LDLRAD4: variants seen among roughly 807,000 people sequenced by gnomAD.
LDLRAD4 encodes the protein low-density lipoprotein receptor class A domain-containing protein 4.
LDLRAD4 carries 5 observed loss-of-function variants against 17.0 expected under a neutral mutation model. The ratio of observed to expected loss-of-function variants is 0.29; its 90% CI spans 0.15 to 0.62. The LOEUF (loss-of-function observed/expected upper bound fraction) is 0.62. Among genes scored for constraint, LDLRAD4 ranks in the 20% least tolerant of loss-of-function variants. The pLI, the probability that LDLRAD4 is intolerant of heterozygous loss-of-function variation, is 0.84. For missense variants in LDLRAD4, 340 were observed against 424.7 expected (o/e 0.80, Z 1.75); for synonymous variants, 168 against 171.8 (o/e 0.98, Z 0.17).
intron 3 of LDLRAD4, chr18:13,611,534 G>T (rs12605886): frequency 0.16 from 159,480 of 984,806 alleles, 14,073 homozygotes; most frequent in East Asian, 0.51. Context: ...TTTAGACCTC[G>T]GGGAAAAGAG....
rs2086879338 is a variant in LDLRAD4 at position 13,398,423 on chromosome 18, T to G, written c.40+10661T>G. On this transcript the variant is annotated intron_variant, in intron 2 of 5. Coordinates refer to ENST00000359446, the Ensembl canonical transcript of LDLRAD4. The surrounding 1 kb of genome is among the most constrained non-coding windows in gnomAD (Gnocchi z 4.8). ...AATGGGGCATTTTATGTTACGTACA[T>G]TTTACCACAGTGAACATAAACAGTT... 6.6e-6 allele frequency among the ~76,000 whole-genome samples: 1 copy of G among 151,968 alleles called. No individual in the cohort carries two copies. Among genetic ancestry groups the G allele is most frequent in the Non-Finnish European group, 1.5e-5 (1 of 67,976 alleles).
chr18:13,585,101 G>A (rs1375636711), intron 3 of LDLRAD4, among the ~76,000 whole-genome samples: 1 of 152,210 alleles, frequency 6.6e-6, no homozygotes. Context: ...AGCCTCATGC[G>A]TGTCTGGCCC....
chr18:13,250,307 A>G (rs2043168724), intron 1 of LDLRAD4, among the ~76,000 whole-genome samples: 1 of 151,980 alleles, frequency 6.6e-6, no homozygotes, highest in Non-Finnish European at 1.5e-5. Context: ...TTATAATTCC[A>G]TATGAAACTT....
intron 3 of LDLRAD4, among the ~76,000 whole-genome samples, chr18:13,587,522 T>C (rs2094951845): frequency 6.6e-6 from 1 of 152,160 alleles, no homozygotes; most frequent in Non-Finnish European, 1.5e-5. Context: ...CGTCCACACT[T>C]CGTTTCATAG....
chr18:13,651,715 G>T (rs572636214), exon 6 of LDLRAD4: 1 of 152,166 alleles, frequency 6.6e-6, no homozygotes, highest in Non-Finnish European at 1.5e-5. Flanking sequence ...TTCGAGTGTT[G>T]TCCATAAGAG....
Position 13,350,467 on chromosome 18 carries a change from T to A in LDLRAD4, c.-382-36874T>A, listed in dbSNP as rs2082973954. On this transcript the variant is annotated intron_variant, in intron 1 of 5. Transcript: ENST00000359446. ...CTGTTCATATCCTTTGCCCACTTTT[T>A]GATGGGGGTATTTGTGTTTTTCTTG... Among the ~76,000 whole-genome samples, 3 of 152,334 alleles carry A rather than the reference T, an allele frequency of 2.0e-5. No homozygotes were observed. The South Asian group carries it at 6.2e-4, about 32-fold the overall frequency.
intron 3 of LDLRAD4, chr18:13,585,587 T>C (rs1323195677): frequency 6.6e-6 from 1 of 152,232 alleles, no homozygotes; most frequent in East Asian, 1.9e-4. Context: ...CAGGAGATTA[T>C]CTTTTCAAAG....
At chr18:13,366,833 T>G (rs570045735) in intron 1 of LDLRAD4, among the ~76,000 whole-genome samples, 9 of 152,286 alleles carry the variant, frequency 5.9e-5, no homozygotes, top group East Asian at 5.8e-4. Flanking sequence ...GCCCTTTCAG[T>G]CTTGCGTGGT....
intron 3 of LDLRAD4, among the ~76,000 whole-genome samples, chr18:13,523,603 G>A (rs772868172): frequency 3.3e-5 from 5 of 152,288 alleles, no homozygotes; most frequent in South Asian, 2.1e-4. Context: ...GTGGTGGAAC[G>A]TAGTCTCCTG....
At chr18:13,261,214 A>C (rs1014885891) in intron 1 of LDLRAD4, among the ~76,000 whole-genome samples, 1 of 152,180 alleles carries the variant, frequency 6.6e-6, no homozygotes, top group Non-Finnish European at 1.5e-5. Context: ...GAATAGCAGA[A>C]CTCTGCCCCT....
chr18:13,233,837 C>T (rs2042201956), intron 1 of LDLRAD4, among the ~76,000 whole-genome samples: 1 of 152,082 alleles, frequency 6.6e-6, no homozygotes, highest in Non-Finnish European at 1.5e-5. Context: ...CTCATAGGCA[C>T]CTCCAAGCCA....
intron 3 of LDLRAD4, among the ~76,000 whole-genome samples, chr18:13,481,169 G>A (rs781157742): frequency 1.8e-4 from 27 of 152,166 alleles, no homozygotes; most frequent in East Asian, 3.9e-4. Context: ...CTGTCCTCCC[G>A]TCATCTTCTG....
chr18:13,337,220 G>T, intron 1 of LDLRAD4, among the ~76,000 whole-genome samples: 1 of 152,118 alleles, frequency 6.6e-6, no homozygotes, highest in East Asian at 1.9e-4. Context: ...AGTCCCATTC[G>T]CGCACTCATA....
chr18:13,597,178 C>G (rs2095105768), intron 3 of LDLRAD4, among the ~76,000 whole-genome samples: 1 of 152,096 alleles, frequency 6.6e-6, no homozygotes, highest in Non-Finnish European at 1.5e-5. Flanking sequence ...GATAGTTTTG[C>G]TGGATATAAA....
intron 1 of LDLRAD4, among the ~76,000 whole-genome samples, chr18:13,237,116 C>T (rs2042376386): frequency 6.6e-6 from 1 of 152,234 alleles, no homozygotes; most frequent in Admixed American, 6.5e-5. Flanking sequence ...CTGGCTTGGG[C>T]TCTGGAGGCC....
intron 2 of LDLRAD4, among the ~76,000 whole-genome samples, chr18:13,395,822 C>T (rs993721651): frequency 1.3e-5 from 2 of 151,880 alleles, no homozygotes; most frequent in Non-Finnish European, 2.9e-5. Context: ...GGGCCCTCTG[C>T]TCGTGGGAAT....
intron 1 of LDLRAD4, among the ~76,000 whole-genome samples, chr18:13,245,238 A>C (rs2042898157): frequency 1.3e-5 from 2 of 152,186 alleles, no homozygotes; most frequent in Admixed American, 1.3e-4. Context: ...GTGTGACTTC[A>C]TCCCAGCCCC....
Position 13,612,057 on chromosome 18 carries a change from C to T in LDLRAD4, c.182-9060C>T, listed in dbSNP as rs75371547. On this transcript the variant is annotated intron_variant, in intron 3 of 5. Transcript: ENST00000359446. ...GTGAGCGTCCCGCCTGTCGCGTGTC[C>T]TGCCTTGGTAAGCGCCCTCTCCGGT... 1.1e-3 allele frequency: 1,113 copies of T among 985,546 alleles called. 7 individuals are homozygous for T. In the African/African-American group the frequency reaches 0.016, roughly 14 times the overall value. 61.1% of individuals were successfully genotyped at this position (985,546 alleles called of 1,614,324 possible).
At chr18:13,290,334 A>C (rs958119976) in intron 1 of LDLRAD4, among the ~76,000 whole-genome samples, 2 of 152,226 alleles carry the variant, frequency 1.3e-5, no homozygotes, top group Non-Finnish European at 2.9e-5. Context: ...ATAGTTTCAG[A>C]GTTTGTAGCA....
Sources: allele counts gnomAD v4.1 joint callset (sites outside exome capture counted in the v4.1 genomes callset), GRCh38; gene constraint gnomAD v4.1.1; non-coding constraint Gnocchi (gnomAD v3.1); transcripts MANE v1.5; gene names NCBI Gene and HGNC (gene_info 2026-07-23, HGNC 2026-07-21).